Variants in NKAIN1 observed in about 807,000 individuals in gnomAD.
The protein encoded by NKAIN1 is sodium/potassium-transporting ATPase subunit beta-1-interacting protein 1.
A neutral mutation model predicts 31.6 loss-of-function variants in NKAIN1; 13 were observed. The ratio of observed to expected loss-of-function variants is 0.41; its 90% CI spans 0.27 to 0.65. The LOEUF (loss-of-function observed/expected upper bound fraction) is 0.65, where lower values mean the gene tolerates loss of function less well. Among genes scored for constraint, NKAIN1 ranks in the 30% least tolerant of loss-of-function variants. The pLI is 0.30. For synonymous variants in NKAIN1, 104 were observed against 109.0 expected, an observed-to-expected ratio of 0.95 and a Z score of 0.28; for missense variants, 193 against 262.2, an observed-to-expected ratio of 0.74 and a Z score of 1.82.
chr1:31,227,565 A>G (rs12087046), intron 1 of NKAIN1, among the ~76,000 whole-genome samples: 50,344 of 152,040 alleles, frequency 0.33, 10,215 homozygotes, highest in African/African-American at 0.57. Flanking sequence ...AATCTTCTCT[A>G]TTAGACTATG....
Position 31,212,910 on chromosome 1 carries a change from T to G in NKAIN1, c.55-24723A>C, listed in dbSNP as rs558880908. On this transcript the variant is annotated intron_variant, in intron 1 of 6. Transcript: ENST00000373736. ...TACTCGGGAGGCTGAGGCAGGAGAA[T>G]GGTGTGAAGCTGGGAGGTGGAGCTC... 2.0e-5 allele frequency among the ~76,000 whole-genome samples: 3 copies of G among 152,040 alleles called. No individual in the cohort carries two copies. In the East Asian group the frequency reaches 5.8e-4, roughly 29 times the overall value.
At chr1:31,235,237 G>A (rs1645685700) in intron 1 of NKAIN1, among the ~76,000 whole-genome samples, 1 of 152,114 alleles carries the variant, frequency 6.6e-6, no homozygotes, top group Non-Finnish European at 1.5e-5. Flanking sequence ...TGGCCTGTAA[G>A]GTTTCAGGAA....
rs367835491 is a variant in NKAIN1 at position 31,198,011 on chromosome 1, C to T, written c.55-9824G>A. Among the ~76,000 whole-genome samples, 3 of 152,194 alleles carry T rather than the reference C, an allele frequency of 2.0e-5. No individual in the cohort carries two copies. The East Asian group carries it at 5.8e-4, about 29-fold the overall frequency. ...AGGACTACAGGCATGTGCCACCACG[C>T]TGGCCTGTGCTTATCATTGGCAAAC... On this transcript the variant is annotated intron_variant, in intron 1 of 6. Transcript: ENST00000373736.
chr1:31,215,026 C>CCG (rs1645500200), intron 1 of NKAIN1, among the ~76,000 whole-genome samples: 1 of 152,166 alleles, frequency 6.6e-6, no homozygotes, highest in African/African-American at 2.4e-5. Flanking sequence ...TGGAAGGAGC[C>CCG]CGGAGGTCAT....
intron 1 of NKAIN1, among the ~76,000 whole-genome samples, chr1:31,206,203 C>G (rs1557655999): frequency 8.5e-6 from 1 of 117,412 alleles, no homozygotes; most frequent in Non-Finnish European, 1.9e-5. Flanking sequence ...CCACTGCACT[C>G]CAGCCTGGGC....
chr1:31,181,750 C>G (rs1570446244), intron 6 of NKAIN1, 38 bp from the exon 7 acceptor site: 2 of 1,529,588 alleles, frequency 1.3e-6, no homozygotes, highest in Non-Finnish European at 1.8e-6. Flanking sequence ...GAGTGGATCC[C>G]AAAAGTATGG....
intron 1 of NKAIN1, among the ~76,000 whole-genome samples, chr1:31,212,227 G>C (rs1006500684): frequency 6.6e-6 from 1 of 152,042 alleles, no homozygotes; most frequent in Non-Finnish European, 1.5e-5. Context: ...AACAAATGTT[G>C]CTGGGACAAC....
Position 31,186,657 on chromosome 1 carries a change from G to A in NKAIN1, c.193-1330C>T, listed in dbSNP as rs531805007. Among the ~76,000 whole-genome samples the A allele has an allele frequency of 5.3e-5, 8 of 151,864 alleles. No homozygotes were observed. The East Asian group carries it at 5.9e-4, about 11-fold the overall frequency. On this transcript the variant is annotated intron_variant, in intron 2 of 6. Transcript: ENST00000373736. ...CAAACTGAGACCCCAAGCATAGAAC[G>A]GGAGTCCAGCCTGGGCCCTGGATGC...
At chr1:31,238,486 A>C (rs1321451590) in intron 1 of NKAIN1, among the ~76,000 whole-genome samples, 1 of 152,138 alleles carries the variant, frequency 6.6e-6, no homozygotes, top group Non-Finnish European at 1.5e-5. Context: ...TCTCAGCTCT[A>C]GGGTAGGTAG....
At chr1:31,232,310 C>G (rs948359898) in intron 1 of NKAIN1, among the ~76,000 whole-genome samples, 12 of 145,606 alleles carry the variant, frequency 8.2e-5, no homozygotes, top group Admixed American at 4.2e-4. Context: ...AGGCTGGTCT[C>G]GAACTCCTGA....
intron 1 of NKAIN1, among the ~76,000 whole-genome samples, chr1:31,208,737 G>C (rs1645444248): frequency 6.6e-6 from 1 of 152,176 alleles, no homozygotes; most frequent in Non-Finnish European, 1.5e-5. Context: ...AGAGCGGTCA[G>C]CCCTTGTCTA....
Position 31,233,718 on chromosome 1 carries a change from A to C in NKAIN1, c.54+5776T>G, listed in dbSNP as rs1346311147. Among the ~76,000 whole-genome samples the C allele has an allele frequency of 6.6e-6, 1 of 152,232 alleles. No individual in the cohort carries two copies. The highest frequency in any genetic ancestry group is 2.4e-5 in the African/African-American group (1 of 41,460). On this transcript the variant is annotated intron_variant, in intron 1 of 6. Coordinates refer to ENST00000373736, the MANE Select transcript of NKAIN1 (RefSeq NM_024522.3). This position sits in a 1 kb window ranked among gnomAD's most constrained non-coding sequence, Gnocchi z 4.0. ...GAGATGGGGCTGACGTGACTTGTCC[A>C]AGTCTCAAGGCAAATCATAGCTAGC...
At chr1:31,231,533 TG>T (rs1645647895) in intron 1 of NKAIN1, among the ~76,000 whole-genome samples, 1 of 151,700 alleles carries the variant, frequency 6.6e-6, no homozygotes, top group Non-Finnish European at 1.5e-5. Flanking sequence ...TTGTTGTTGT[TG>T]TTGTTGTTGT....
At chr1:31,222,333 G>A (rs563715271) in intron 1 of NKAIN1, among the ~76,000 whole-genome samples, 27 of 152,234 alleles carry the variant, frequency 1.8e-4, no homozygotes, top group African/African-American at 3.6e-4. Flanking sequence ...ATCTTCACAC[G>A]TGAAAGGGAA....
rs182603172 is a variant in NKAIN1, at chr1:31,209,711, G to A, written c.55-21524C>T. ...GTATGCCTGTAGTCCCAGCTACTCC[G>A]GAGGCTGAGGTGGGAAGACCACTTG... On this transcript the variant is annotated intron_variant, in intron 1 of 6. Coordinates refer to ENST00000373736, the MANE Select transcript of NKAIN1 (RefSeq NM_024522.3). Among the ~76,000 whole-genome samples the A allele has an allele frequency of 6.6e-4, 101 of 152,200 alleles. 1 individual carries two copies. In the East Asian group the frequency reaches 0.015, roughly 22 times the overall value.
At chr1:31,202,754 G>T (rs191269082) in intron 1 of NKAIN1, among the ~76,000 whole-genome samples, 3 of 151,254 alleles carry the variant, frequency 2.0e-5, no homozygotes, top group African/African-American at 7.3e-5. Flanking sequence ...CAAGGTGGGC[G>T]GATCACGAGG....
intron 2 of NKAIN1, among the ~76,000 whole-genome samples, chr1:31,187,529 C>T (rs1445735798): frequency 1.3e-5 from 2 of 152,252 alleles, no homozygotes; most frequent in East Asian, 1.9e-4. Context: ...TCTTGAGAAA[C>T]TAAATAAGAT....
intron 1 of NKAIN1, among the ~76,000 whole-genome samples, chr1:31,215,001 T>C (rs1645499952): frequency 1.3e-5 from 2 of 152,184 alleles, no homozygotes; most frequent in African/African-American, 2.4e-5. Flanking sequence ...GAGTCAAGTG[T>C]TCCCAGTCAG....
At chr1:31,206,970 A>G (rs888164638) in intron 1 of NKAIN1, among the ~76,000 whole-genome samples, 3 of 152,082 alleles carry the variant, frequency 2.0e-5, no homozygotes, top group Non-Finnish European at 4.4e-5. Flanking sequence ...CCCAACCTCA[A>G]GTGATCCGCA....
Sources: allele counts gnomAD v4.1 joint callset (sites outside exome capture counted in the v4.1 genomes callset), GRCh38; gene constraint gnomAD v4.1.1; non-coding constraint Gnocchi (gnomAD v3.1); transcripts MANE v1.5; gene names NCBI Gene and HGNC (gene_info 2026-07-23, HGNC 2026-07-21).